SON: variants seen among roughly 807,000 people sequenced by gnomAD.
SON encodes SON DNA and RNA binding protein.
SON carries 4 observed loss-of-function variants against 173.3 expected under a neutral mutation model. The observed-to-expected ratio is 0.02, with a 90% confidence interval of 0.01 to 0.05. The LOEUF (loss-of-function observed/expected upper bound fraction) is 0.05. Ranked by LOEUF, SON falls within the 10% of genes least tolerant of loss-of-function variation. The pLI is 1.00. For missense variants in SON, 2,626 were observed against 3,055.3 expected (o/e 0.86, Z 3.31); for synonymous variants, 1,190 against 1,105.9 (o/e 1.08, Z -1.51).
intron 7 of SON, among the ~76,000 whole-genome samples, 184 bp from the exon 8 acceptor site, chr21:33,568,787 A>C (rs540139712): frequency 6.6e-6 from 1 of 152,330 alleles, no homozygotes; most frequent in Admixed American, 6.5e-5. Context: ...AAATCTTATT[A>C]ATGGGATTCA....
At chr21:33,569,122 A>G (rs1306590030) in intron 8 of SON, 35 bp downstream of exon 8, 1 of 1,284,808 alleles carries the variant, frequency 7.8e-7, no homozygotes, top group Non-Finnish European at 1.1e-6. Flanking sequence ...AGTGTCGAAC[A>G]AAAAGTTTAA....
At position 33,576,639 on chromosome 21, in the gene SON, A is replaced by G; in HGVS notation, c.*215A>G. 2 of 658,370 alleles carry G rather than the reference A, an allele frequency of 3.0e-6. No individual in the cohort carries two copies. Among genetic ancestry groups the G allele is most frequent in the East Asian group, 5.7e-5 (2 of 35,256 alleles). 40.8% of individuals were successfully genotyped at this position (658,370 alleles called of 1,614,324 possible). The stretch of plus-strand genomic sequence containing the variant: ...TGCATCACAATGTATTTCCTCTTTA[A>G]TGTTGTAAATATTTGGCAATTTAAG... On this transcript the variant is annotated 3_prime_UTR_variant, in exon 12 of 12. Coordinates refer to ENST00000356577, the MANE Select transcript of SON (RefSeq NM_138927.4).
chr21:33,559,558 C>G lies in SON; in HGVS notation c.6469-29C>G. ...CATTTAATGTAGATATCATATTGAGCTTTAATTAAGAAACACTTTATTTTT... is the reference window on the plus strand; with the variant it reads ...CATTTAATGTAGATATCATATTGAGGTTTAATTAAGAAACACTTTATTTTT... On this transcript the variant is annotated intron_variant, in intron 5 of 11. Coordinates refer to ENST00000356577, the MANE Select transcript of SON (RefSeq NM_138927.4). This position sits in a 1 kb window ranked among gnomAD's most constrained non-coding sequence, Gnocchi z 4.1. 1 of 1,584,864 alleles carries G rather than the reference C, an allele frequency of 6.3e-7. No individual in the cohort carries two copies. The highest frequency in any genetic ancestry group is 8.6e-7 in the Non-Finnish European group (1 of 1,165,492).
In SON at chr21:33,553,098, C is replaced by T. The variant is rs771923054; in HGVS notation, c.3867C>T (p.Pro1289=). The change falls in exon 3 of 12, where the codon CCC becomes CCT. Residue 1289 remains proline (P), a synonymous_variant. Coordinates refer to ENST00000356577, the MANE Select transcript of SON (RefSeq NM_138927.4). The part of the protein sequence containing the change: ...RPVTCMVSET[P]AMSAEPTVLA... ...TGACTTGTATGGTATCTGAAACTCC[C>T]GCCATGTCAGCTGAACCAACTGTGT... The T allele has an allele frequency of 4.0e-5, 64 of 1,614,026 alleles. No homozygotes were observed. In the East Asian group the frequency reaches 4.2e-4, roughly 11 times the overall value.
At chr21:33,547,026 G>A (rs1408228367) in intron 2 of SON, 2 of 152,024 alleles carry the variant, frequency 1.3e-5, no homozygotes, top group African/African-American at 4.8e-5. Flanking sequence ...CCAGCCTGGA[G>A]TGCAATGGCG....
In SON at chr21:33,568,979, C is replaced by T; in HGVS notation, c.6777C>T (p.Ala2259=). ...CTACTTCTTTTCTTCAGATTGATGC[C>T]TGGGCTCAGCTGAACTCTATTCCTG... ...MLNRAQERID[A]WAQLNSIPGQ... is the part of the protein sequence containing the mutation. Residue 2259 remains alanine, a synonymous_variant, in exon 8 of 12, where the codon GCC becomes GCT. Coordinates refer to ENST00000356577, the MANE Select transcript of SON (RefSeq NM_138927.4). The T allele has an allele frequency of 7.5e-6, 12 of 1,602,046 alleles. No homozygotes were observed. The highest frequency in any genetic ancestry group is 1.0e-5 in the Non-Finnish European group (12 of 1,171,564).
At chr21:33,561,613 C>A (rs1442062374) in intron 6 of SON, among the ~76,000 whole-genome samples, 5 of 152,130 alleles carry the variant, frequency 3.3e-5, no homozygotes, top group Non-Finnish European at 7.4e-5. Flanking sequence ...CTGATGCTTA[C>A]ACTTTTTTGA....
At chr21:33,545,332 A>G (rs1052874510) in intron 1 of SON, among the ~76,000 whole-genome samples, 5 of 152,196 alleles carry the variant, frequency 3.3e-5, no homozygotes, top group Non-Finnish European at 7.4e-5. Context: ...CCTTAATAAT[A>G]ATTAGGTAAC....
chr21:33,565,761 A>AT (rs1323312416), intron 6 of SON, among the ~76,000 whole-genome samples: 1 of 152,224 alleles, frequency 6.6e-6, no homozygotes. Context: ...CTCTAGAAAG[A>AT]TTTATATATT....
rs111707034 is a variant in SON, at chr21:33,544,113, G to A, written c.77+944G>A. ...AAACGTAAGTGTTCCGAGTTCAAGT[G>A]TTTTTAATTGTATTTTAAAAGTTGA... On this transcript the variant is annotated intron_variant, in intron 1 of 11. Coordinates refer to ENST00000356577, the MANE Select transcript of SON (RefSeq NM_138927.4). Among the ~76,000 whole-genome samples, 844 of 152,324 alleles carry A rather than the reference G, an allele frequency of 5.5e-3. 11 individuals are homozygous for A. Among genetic ancestry groups the A allele is most frequent in the African/African-American group, 0.02 (816 of 41,570 alleles).
chr21:33,543,566 C>T, intron 1 of SON: 1 of 256,708 alleles, frequency 3.9e-6, no homozygotes, highest in Admixed American at 5.1e-5. Context: ...TTTTGCCGGC[C>T]GGTGCCTATG....
rs1045754470 is a variant in SON, at chr21:33,554,944, A to G, written c.5713A>G (p.Lys1905Glu). 6.2e-7 allele frequency: 1 copy of G among 1,614,056 alleles called. No homozygotes were observed. Among genetic ancestry groups the G allele is most frequent in the Non-Finnish European group, 8.5e-7 (1 of 1,180,008 alleles). The change falls in exon 3 of 12, where the codon AAA becomes GAA. Residue 1905 changes from lysine (K) to glutamate (E), a missense_variant. Transcript: ENST00000356577. ...PKHRSKSRER[K>E]RKRSSSRDNR... ...GCACAGATCCAAGTCTAGGGAAAGA[A>G]AAAGAAAAAGATCAAGCTCCAGGGA...
In SON at chr21:33,551,356, A is replaced by G. The variant is rs190548395; in HGVS notation, c.2125A>G (p.Met709Val). ...TGTAACAGTAGGAGTGGATCCCTTG[A>G]TGGCCCCAGAATCCCATATATTAGC... ...TSVTVGVDPL[M>V]APESHILASN... The change falls in exon 3 of 12, where the codon ATG (methionine) becomes GTG (valine). Residue 709 changes from methionine (M) to valine (V), a missense_variant. By Grantham distance (21) the Met-to-Val change is conservative. Around this residue, in one of 13 missense-constraint regions of SON, gnomAD observed 182 missense variants for 193.6 expected, o/e 0.94. Coordinates refer to ENST00000356577, the MANE Select transcript of SON (RefSeq NM_138927.4). 6.2e-7 allele frequency: 1 copy of G among 1,614,132 alleles called. No homozygotes were observed.
intron 9 of SON, among the ~76,000 whole-genome samples, chr21:33,573,881 T>C (rs1403682486): frequency 1.3e-5 from 2 of 152,146 alleles, no homozygotes; most frequent in Non-Finnish European, 2.9e-5. Context: ...TGGTTTAGTC[T>C]AGATTTCATA....
chr21:33,555,635 A>G (rs190765971), intron 3 of SON, among the ~76,000 whole-genome samples: 142 of 152,234 alleles, frequency 9.3e-4, no homozygotes, highest in Middle Eastern at 3.4e-3. Context: ...TGAATGTTTT[A>G]TTTTGTTTTA....
At position 33,552,296 on chromosome 21, in the gene SON, G is replaced by A. The variant is rs1170013947; in HGVS notation, c.3065G>A (p.Arg1022Gln). ...GAACGCTCTATGATGTCTTATGAGCGGTCTATGATGTCCCCTATGGCTGAA... is the reference window on the plus strand; with the variant it reads ...GAACGCTCTATGATGTCTTATGAGCAGTCTATGATGTCCCCTATGGCTGAA... Reference protein sequence around the residue: ...SYERSMMSYERSMMSPMAERS... With the variant: ...SYERSMMSYEQSMMSPMAERS... The change falls in exon 3 of 12, where the codon CGG becomes CAG. Residue 1022 changes from arginine (R) to glutamine (Q), a missense_variant. This residue lies in a region of SON where 366 missense variants were observed against 448.6 expected (regional missense o/e 0.82). Coordinates refer to ENST00000356577, the MANE Select transcript of SON (RefSeq NM_138927.4). This position sits in a 1 kb window ranked among gnomAD's most constrained non-coding sequence, Gnocchi z 5.6. 5.6e-6 allele frequency: 9 copies of A among 1,613,894 alleles called. No homozygotes were observed. The highest frequency in any genetic ancestry group is 2.2e-5 in the East Asian group (1 of 44,896).
chr21:33,552,717 T>G lies in SON; in HGVS notation c.3486T>G (p.Pro1162=). 6.2e-7 allele frequency: 1 copy of G among 1,614,048 alleles called. No individual in the cohort carries two copies. The highest frequency in any genetic ancestry group is 1.1e-5 in the South Asian group (1 of 91,076). ...CCCCAACAATGCCACCGTTGCCACC[T>G]GAGGAGCCACCAATGACACCACCAT... ...EEPPTMPPLP[P]EEPPMTPPLP... The change falls in exon 3 of 12, where the codon CCT becomes CCG. Residue 1162 remains proline (P), a synonymous_variant. Transcript: ENST00000356577. This position sits in a 1 kb window ranked among gnomAD's most constrained non-coding sequence, Gnocchi z 5.6.
At chr21:33,573,287 T>C (rs1258217698) in intron 8 of SON, 21 bp from the exon 9 acceptor site, 1 of 1,592,156 alleles carries the variant, frequency 6.3e-7, no homozygotes, top group Non-Finnish European at 8.5e-7. Flanking sequence ...GGGGACATTT[T>C]ACCTTTCTTT....
At position 33,549,698 on chromosome 21, in the gene SON, T is replaced by C; in HGVS notation, c.467T>C (p.Leu156Ser). The C allele has an allele frequency of 6.2e-7, 1 of 1,612,400 alleles. No homozygotes were observed. Among genetic ancestry groups the C allele is most frequent in the Non-Finnish European group, 8.5e-7 (1 of 1,179,584 alleles). The part of the protein sequence containing the change: ...GNIDLESDSF[L>S]KFDSEPSAVA... ...ATAGATTTAGAATCTGATTCCTTTT[T>C]AAAGTTTGATTCTGAACCTTCAGCT... The change falls in exon 3 of 12, where the codon TTA (leucine) becomes TCA (serine). Residue 156 changes from leucine to serine, a missense_variant. Leu to Ser is a moderately radical substitution (Grantham distance 145). Transcript: ENST00000356577.
Sources: gnomAD v4.1 joint callset for allele counts (sites outside exome capture counted in the v4.1 genomes callset) on GRCh38, gnomAD v4.1.1 for gene constraint, gnomAD v4.1.1 regional missense constraint, Gnocchi (gnomAD v3.1) non-coding constraint, MANE v1.5 for transcripts, NCBI Gene and HGNC (gene_info 2026-07-23, HGNC 2026-07-21) for gene names.